Variants in ACTN1 observed in about 807,000 individuals in gnomAD.
ACTN1 encodes the protein alpha-actinin-1.
Under a neutral mutation model 119.6 loss-of-function variants are expected in ACTN1, and 30 were observed. The observed-to-expected ratio is 0.25, with a 90% CI of 0.19 to 0.34. ACTN1 has a LOEUF of 0.34. Among genes scored for constraint, ACTN1 ranks in the 10% least tolerant of loss-of-function variants. The pLI, the probability that ACTN1 is intolerant of heterozygous loss-of-function variation, is 1.00. For synonymous variants in ACTN1, 429 were observed against 472.6 expected (o/e 0.91, Z 1.20); for missense variants, 764 against 1,223.4 (o/e 0.62, Z 5.60).
chr14:68,938,284 C>A (rs2035619682), intron 1 of ACTN1, among the ~76,000 whole-genome samples: 1 of 152,172 alleles, frequency 6.6e-6, no homozygotes, highest in Non-Finnish European at 1.5e-5. Flanking sequence ...TGAGACCTGG[C>A]ACTGCTCTAA....
At chr14:68,935,234 G>C (rs1297608110) in intron 1 of ACTN1, among the ~76,000 whole-genome samples, 1 of 151,856 alleles carries the variant, frequency 6.6e-6, no homozygotes, top group Non-Finnish European at 1.5e-5. Context: ...ATATTGGTCA[G>C]GCTGGTCTCG....
At chr14:68,963,855 A>T (rs1474382238) in intron 1 of ACTN1, among the ~76,000 whole-genome samples, 5 of 152,214 alleles carry the variant, frequency 3.3e-5, no homozygotes, top group African/African-American at 1.2e-4. Flanking sequence ...GCTGAAGCTG[A>T]GTAATGGGTA....
At chr14:68,942,783 A>G (rs2035806334) in intron 1 of ACTN1, among the ~76,000 whole-genome samples, 1 of 152,098 alleles carries the variant, frequency 6.6e-6, no homozygotes, top group Non-Finnish European at 1.5e-5. Context: ...GCTCAATGCA[A>G]TCCTCACACA....
chr14:68,911,665 T>C (rs578221915), intron 4 of ACTN1, among the ~76,000 whole-genome samples: 1 of 152,364 alleles, frequency 6.6e-6, no homozygotes, highest in South Asian at 2.1e-4. Flanking sequence ...TTATGCAAGA[T>C]AAATACAGGC....
chr14:68,938,963 A>G (rs1373673187), intron 1 of ACTN1, among the ~76,000 whole-genome samples: 1 of 152,186 alleles, frequency 6.6e-6, no homozygotes, highest in Non-Finnish European at 1.5e-5. Flanking sequence ...AGCCCATTTC[A>G]AAAGACATAG....
At position 68,874,945 on chromosome 14, in the gene ACTN1, C is replaced by T. The variant is rs757585091; in HGVS notation, c.2659G>A (p.Ala887Thr). The T allele has an allele frequency of 1.0e-4, 168 of 1,613,226 alleles. No individual in the cohort carries two copies. Among genetic ancestry groups the T allele is most frequent in the Non-Finnish European group, 1.1e-4 (124 of 1,179,648 alleles). ...DQAEYCIARM[A>T]PYTGPDSVPG... Reference sequence around the variant, plus strand: ...ACGGAGTCGGGGCCGGTGTAGGGGGCCATCCGCGCGATGCAGTACTCAGCC... The same window carrying T: ...ACGGAGTCGGGGCCGGTGTAGGGGGTCATCCGCGCGATGCAGTACTCAGCC... Residue 887 changes from alanine to threonine, a missense_variant, in exon 22 of 22, where the codon GCC becomes ACC. Ala to Thr is a moderately conservative substitution (Grantham distance 58). Around this residue, in one of 4 missense-constraint regions of ACTN1, gnomAD observed 102 missense variants for 78.2 expected, o/e 1.30. Transcript: ENST00000394419.
At chr14:68,877,439 A>G (rs1282824774) in intron 20 of ACTN1, 199 bp from the exon 21 acceptor site, 1 of 576,778 alleles carries the variant, frequency 1.7e-6, no homozygotes, top group African/African-American at 1.9e-5. Flanking sequence ...GGTTCCCCAC[A>G]CCCTGCAGAT....
chr14:68,875,108 GGCA>G, intron 21 of ACTN1, 91 bp from the exon 22 acceptor site: 1 of 1,570,634 alleles, frequency 6.4e-7, no homozygotes, highest in Non-Finnish European at 8.6e-7. Flanking sequence ...GCGGCGTGAA[GGCA>G]GCATGTGCCG....
At chr14:68,912,087 G>T in intron 4 of ACTN1, 69 bp downstream of exon 4, 7 of 1,474,728 alleles carry the variant, frequency 4.7e-6, no homozygotes, top group Middle Eastern at 1.7e-4. Flanking sequence ...GGGTATGGGA[G>T]TTCTCCAGGC....
At chr14:68,975,608 G>C (rs920855772) in intron 1 of ACTN1, among the ~76,000 whole-genome samples, 10 of 152,186 alleles carry the variant, frequency 6.6e-5, no homozygotes, top group Non-Finnish European at 1.3e-4. Context: ...TTACATAAGG[G>C]AGAAAACTGG....
intron 8 of ACTN1, among the ~76,000 whole-genome samples, chr14:68,899,914 C>T (rs930835179): frequency 1.3e-5 from 2 of 152,206 alleles, no homozygotes; most frequent in Non-Finnish European, 2.9e-5. Flanking sequence ...GGGAGAGAAG[C>T]TGTTCACACC....
At chr14:68,936,626 G>C in intron 1 of ACTN1, 1 of 600,510 alleles carries the variant, frequency 1.7e-6, no homozygotes, top group Non-Finnish European at 3.2e-6. Flanking sequence ...AAAGCACCGA[G>C]AGTTCGTGGC....
intron 3 of ACTN1, among the ~76,000 whole-genome samples, chr14:68,915,138 T>C (rs967030391): frequency 6.6e-6 from 1 of 152,036 alleles, no homozygotes; most frequent in Non-Finnish European, 1.5e-5. Context: ...AGACCCCATA[T>C]CACCCTCTGC....
intron 1 of ACTN1, chr14:68,977,858 A>G: frequency 2.3e-6 from 1 of 435,784 alleles, no homozygotes; most frequent in Non-Finnish European, 4.6e-6. Flanking sequence ...AGGGTATGAA[A>G]CGGGGAGGGA....
intron 1 of ACTN1, among the ~76,000 whole-genome samples, chr14:68,927,905 G>A (rs1038570638): frequency 6.6e-6 from 1 of 152,298 alleles, no homozygotes; most frequent in African/African-American, 2.4e-5. Flanking sequence ...TTGAGTGTGC[G>A]TTGACACTGG....
At chr14:68,917,333 G>C (rs919214561) in intron 3 of ACTN1, among the ~76,000 whole-genome samples, 1 of 152,146 alleles carries the variant, frequency 6.6e-6, no homozygotes, top group Non-Finnish European at 1.5e-5. Context: ...CCTACCTACA[G>C]GGTACCTATT....
chr14:68,978,948 T>C lies in ACTN1; in HGVS notation c.105+4A>G, dbSNP rs1430508821. On this transcript the variant is annotated splice_donor_region_variant and intron_variant, in intron 1 of 21. Coordinates refer to ENST00000394419, the MANE Select transcript of ACTN1 (RefSeq NM_001130004.2). ...GGCTGCAGCGGGCGGGGGCGGCTGC[T>C]AACCTTTCTCTGCTGCTTCTCCCAG... is the stretch of plus-strand genomic sequence containing the variant. 7 of 1,532,076 alleles carry C rather than the reference T, an allele frequency of 4.6e-6. No homozygotes were observed. The highest frequency in any genetic ancestry group is 2.3e-5 in the East Asian group (1 of 43,236). The allele number at this position is 1,532,076 out of a possible 1,614,324, so 94.9% of individuals were successfully genotyped here.
rs778110170 is a variant in ACTN1, at chr14:68,904,636, G to T, written c.676+19C>A. 5.0e-6 allele frequency: 8 copies of T among 1,611,796 alleles called. No homozygotes were observed. In the South Asian group the frequency reaches 8.8e-5, roughly 18 times the overall value. On this transcript the variant is annotated intron_variant, in intron 7 of 21. Transcript: ENST00000394419. ...AGGTGGGCGATGGGCAAGAGACACA[G>T]AAGGAAAGCGCCTTTCACCTTCGGC...
intron 1 of ACTN1, among the ~76,000 whole-genome samples, chr14:68,971,389 G>A (rs1291877778): frequency 3.9e-5 from 6 of 152,316 alleles, no homozygotes. Flanking sequence ...CACCTTTCCA[G>A]CCTTCCCTCT....
Sources: allele counts gnomAD v4.1 joint callset (sites outside exome capture counted in the v4.1 genomes callset), GRCh38; gene constraint gnomAD v4.1.1; regional missense constraint gnomAD v4.1.1; transcripts MANE v1.5; gene names NCBI Gene and HGNC (gene_info 2026-07-23, HGNC 2026-07-21).